KLHL2: variants seen among roughly 807,000 people sequenced by gnomAD.
The protein encoded by KLHL2 is kelch-like protein 2.
Under a neutral mutation model 75.8 loss-of-function variants are expected in KLHL2, and 15 were observed. The observed-to-expected ratio is 0.20, with a 90% CI of 0.13 to 0.30. The LOEUF (loss-of-function observed/expected upper bound fraction) is 0.30, where lower values mean the gene tolerates loss of function less well. Ranked by LOEUF, KLHL2 falls within the 10% of genes least tolerant of loss-of-function variation. KLHL2 has a pLI of 1.00. For synonymous variants in KLHL2, 214 were observed against 251.9 expected (o/e 0.85, Z 1.42); for missense variants, 381 against 741.0 (o/e 0.51, Z 5.64).
chr4:165,303,254 G>C (rs866218011), intron 8 of KLHL2, among the ~76,000 whole-genome samples: 6 of 152,056 alleles, frequency 3.9e-5, no homozygotes, highest in African/African-American at 1.4e-4. Context: ...GAACTATTGC[G>C]TGGAAATAGA....
At chr4:165,301,855 C>T (rs56229427) in intron 8 of KLHL2, among the ~76,000 whole-genome samples, 9,379 of 151,850 alleles carry the variant, frequency 0.062, 546 homozygotes, top group African/African-American at 0.16. Flanking sequence ...GCTGCAGAGA[C>T]CTTTAGAGTG....
chr4:165,297,693 T>C lies in KLHL2; in HGVS notation c.739T>C (p.Leu247=). 1.2e-6 allele frequency: 2 copies of C among 1,613,020 alleles called. No individual in the cohort carries two copies. Among genetic ancestry groups the C allele is most frequent in the East Asian group, 2.2e-5 (1 of 44,876 alleles). Residue 247 remains leucine, a synonymous_variant, in exon 7 of 15, where the codon TTA becomes CTA. Coordinates refer to ENST00000226725, the MANE Select transcript of KLHL2 (RefSeq NM_007246.4). ...FMARLMEHVR[L]PLLPREYLVQ... is the part of the protein sequence containing the mutation. Reference sequence around the variant, plus strand: ...GGCCCGACTGATGGAACATGTACGGTTACCTTTGCTTCCTCGGGAATATTT... The same window carrying C: ...GGCCCGACTGATGGAACATGTACGGCTACCTTTGCTTCCTCGGGAATATTT...
At chr4:165,235,520 T>G (rs1489719570) in intron 3 of KLHL2, among the ~76,000 whole-genome samples, 1 of 152,262 alleles carries the variant, frequency 6.6e-6, no homozygotes, top group Non-Finnish European at 1.5e-5. Context: ...CATTTTAAAT[T>G]GGCACTTGCT....
chr4:165,297,243 T>C (rs10010264), intron 6 of KLHL2, among the ~76,000 whole-genome samples: 3,001 of 152,320 alleles, frequency 0.02, 68 homozygotes, highest in East Asian at 0.11. Flanking sequence ...TTTTAATATA[T>C]TCTGCTATTA....
intron 13 of KLHL2, among the ~76,000 whole-genome samples, chr4:165,317,386 A>T (rs1030984380): frequency 3.3e-5 from 5 of 150,288 alleles, no homozygotes; most frequent in African/African-American, 1.2e-4. Context: ...TTTTGGAGAC[A>T]GAGTCTCACT....
chr4:165,270,014 AT>A (rs1742560793), intron 5 of KLHL2, among the ~76,000 whole-genome samples: 1 of 151,934 alleles, frequency 6.6e-6, no homozygotes, highest in Non-Finnish European at 1.5e-5. Flanking sequence ...GGCTTTGTTC[AT>A]TTCTTTTCAC....
chr4:165,284,154 T>C (rs913032709), intron 5 of KLHL2, among the ~76,000 whole-genome samples: 4 of 152,324 alleles, frequency 2.6e-5, no homozygotes, highest in Admixed American at 6.5e-5. Context: ...GGAGACATTT[T>C]CCCCATTGTC....
intron 5 of KLHL2, among the ~76,000 whole-genome samples, chr4:165,267,177 T>C (rs957870336): frequency 6.6e-6 from 1 of 152,234 alleles, no homozygotes; most frequent in Non-Finnish European, 1.5e-5. Context: ...CCTGAGACTT[T>C]GCTGAAGTTG....
chr4:165,302,901 C>T (rs1004192085), intron 8 of KLHL2, among the ~76,000 whole-genome samples: 4 of 152,120 alleles, frequency 2.6e-5, no homozygotes, highest in African/African-American at 9.7e-5. Flanking sequence ...TTTAACTTTT[C>T]CTTACAAAAG....
chr4:165,237,933 C>T (rs975604330), intron 3 of KLHL2, among the ~76,000 whole-genome samples: 2 of 152,078 alleles, frequency 1.3e-5, no homozygotes, highest in African/African-American at 4.8e-5. Context: ...AACTTGCCTC[C>T]TACTCTCCCC....
At chr4:165,236,834 AAAAT>A (rs1370619033) in intron 3 of KLHL2, among the ~76,000 whole-genome samples, 3 of 152,140 alleles carry the variant, frequency 2.0e-5, no homozygotes, top group African/African-American at 7.2e-5. Context: ...TCTGGGGAGA[AAAAT>A]AATCTTAAAA....
At chr4:165,269,497 A>G (rs565684284) in intron 5 of KLHL2, among the ~76,000 whole-genome samples, 2 of 152,022 alleles carry the variant, frequency 1.3e-5, no homozygotes, top group Non-Finnish European at 2.9e-5. Flanking sequence ...GCTCTCTTGT[A>G]AGGCAGGCCT....
At chr4:165,309,867 A>T (rs1746015075) in intron 9 of KLHL2, among the ~76,000 whole-genome samples, 1 of 152,226 alleles carries the variant, frequency 6.6e-6, no homozygotes, top group Non-Finnish European at 1.5e-5. Flanking sequence ...TTATAAGCGT[A>T]TGGAGTTTCA....
chr4:165,291,245 T>C (rs990556661), intron 5 of KLHL2, among the ~76,000 whole-genome samples: 1 of 152,330 alleles, frequency 6.6e-6, no homozygotes, highest in Non-Finnish European at 1.5e-5. Flanking sequence ...TTATGAGATA[T>C]GTGTTTTGCA....
At chr4:165,237,397 C>T (rs960048684) in intron 3 of KLHL2, among the ~76,000 whole-genome samples, 9 of 149,394 alleles carry the variant, frequency 6.0e-5, no homozygotes, top group African/African-American at 2.3e-4. Context: ...TCCTACTTCC[C>T]TTGTCATACA....
Position 165,220,062 on chromosome 4 carries a change from A to G in KLHL2, c.152+3A>G. The G allele has an allele frequency of 1.2e-6, 2 of 1,604,076 alleles. No homozygotes were observed. The highest frequency in any genetic ancestry group is 1.7e-6 in the Non-Finnish European group (2 of 1,176,822). Reference sequence around the variant, plus strand: ...AAAGTCATGAACGAATTAAGAAGGTATCATTATACTAATGTACATGCAACC... The same window carrying G: ...AAAGTCATGAACGAATTAAGAAGGTGTCATTATACTAATGTACATGCAACC... On this transcript the variant is annotated splice_donor_region_variant and intron_variant, in intron 2 of 14. Coordinates refer to ENST00000226725, the MANE Select transcript of KLHL2 (RefSeq NM_007246.4).
At chr4:165,217,539 G>A (rs936211872) in intron 1 of KLHL2, among the ~76,000 whole-genome samples, 1 of 152,164 alleles carries the variant, frequency 6.6e-6, no homozygotes, top group Non-Finnish European at 1.5e-5. Context: ...CTTTCCCTGT[G>A]GAGGTAAAGC....
At chr4:165,254,392 A>T (rs973011901) in intron 4 of KLHL2, among the ~76,000 whole-genome samples, 1 of 151,892 alleles carries the variant, frequency 6.6e-6, no homozygotes, top group East Asian at 1.9e-4. Context: ...TTTTTTTTCT[A>T]CTAAGTAATG....
intron 1 of KLHL2, among the ~76,000 whole-genome samples, chr4:165,216,868 C>T (rs767818500): frequency 3.9e-5 from 6 of 152,046 alleles, no homozygotes; most frequent in Non-Finnish European, 8.8e-5. Flanking sequence ...TTCCTTTAAG[C>T]CTTTGAATAA....
Sources: gnomAD v4.1 joint callset for allele counts (sites outside exome capture counted in the v4.1 genomes callset) on GRCh38, gnomAD v4.1.1 for gene constraint, MANE v1.5 for transcripts, NCBI Gene and HGNC (gene_info 2026-07-23, HGNC 2026-07-21) for gene names.